MAGEE1: variants seen among roughly 807,000 people sequenced by gnomAD.
MAGEE1 encodes the protein MAGE family member E1.
A neutral mutation model predicts 12.0 loss-of-function variants in MAGEE1; 3 were observed. The ratio of observed to expected loss-of-function variants is 0.25; its 90% CI spans 0.11 to 0.65. MAGEE1 has a LOEUF of 0.65. Among genes scored for constraint, MAGEE1 ranks in the 30% least tolerant of loss-of-function variants. The pLI is 0.84. For synonymous variants in MAGEE1, 414 were observed against 326.1 expected (o/e 1.27, Z -2.91); for missense variants, 729 against 772.2 (o/e 0.94, Z 0.66).
chrX:76,430,161 G>A lies in MAGEE1; in HGVS notation c.2231G>A (p.Arg744Lys). The A allele has an allele frequency of 8.3e-7, 1 of 1,211,838 alleles. No individual in the cohort carries two copies. The highest frequency in any genetic ancestry group is 3.0e-5 in the East Asian group (1 of 33,819). The change falls in exon 1 of 1, where the codon AGA becomes AAA. Residue 744 changes from arginine (R) to lysine (K), a missense_variant. Transcript: ENST00000361470. ...KYAPHSWPES[R>K]LESKARKLVQ... ...GCCCCACATTCATGGCCTGAGTCAA[G>A]ATTGGAGAGCAAGGCAAGGAAGCTG...
At position 76,429,548 on chromosome X, in the gene MAGEE1, C is replaced by G; in HGVS notation, c.1618C>G (p.Leu540Val). The stretch of plus-strand genomic sequence containing the variant: ...GATACTCAGGCGAGCAGCAGCCCAC[C>G]TGGAGTGCATTTTTAGGTTTGAATT... Reference protein sequence around the residue: ...PEILRRAAAHLECIFRFELRE... With the variant: ...PEILRRAAAHVECIFRFELRE... The change falls in exon 1 of 1, where the codon CTG becomes GTG. Residue 540 changes from leucine to valine, a missense_variant. Physicochemically the swap from Leu to Val is conservative, Grantham distance 32 (BLOSUM62 1). Transcript: ENST00000361470. The G allele has an allele frequency of 8.3e-7, 1 of 1,211,600 alleles. No homozygotes were observed. Among genetic ancestry groups the G allele is most frequent in the Non-Finnish European group, 1.1e-6 (1 of 895,511 alleles).
At position 76,430,429 on chromosome X, in the gene MAGEE1, T is replaced by C. The variant is rs373808624; in HGVS notation, c.2499T>C (p.Pro833=). The change falls in exon 1 of 1, where the codon CCT becomes CCC. Residue 833 remains proline, a synonymous_variant. Transcript: ENST00000361470. ...AGATCGTAGACAGTCCAAACAGGCC[T>C]GGCAACAACTTTTTGATGCAGGTCC... ...TEEIVDSPNR[P]GNNFLMQVLS... is the part of the protein sequence containing the mutation. The C allele has an allele frequency of 1.1e-4, 129 of 1,209,572 alleles. No homozygotes were observed. Among genetic ancestry groups the C allele is most frequent in the Non-Finnish European group, 1.4e-4 (124 of 895,109 alleles).
Position 76,428,811 on chromosome X carries a change from C to T in MAGEE1, c.881C>T (p.Thr294Ile), listed in dbSNP as rs1923299830. 8.3e-7 allele frequency: 1 copy of T among 1,209,900 alleles called. No individual in the cohort carries two copies. ...LVPTRGKGSS[T>I]SVPPTATEGL... ...CCCACCCGCGGTAAGGGATCAAGCA[C>T]CTCCGTGCCCCCCACCGCCACCGAG... The change falls in exon 1 of 1, where the codon ACC becomes ATC. Residue 294 changes from threonine (T) to isoleucine (I), a missense_variant. This residue lies in a region of MAGEE1 where 473 missense variants were observed against 423.7 expected (regional missense o/e 1.12). Coordinates refer to ENST00000361470, the MANE Select transcript of MAGEE1 (RefSeq NM_020932.3).
rs782476644 is a variant in MAGEE1 at position 76,429,165 on chromosome X, C to G, written c.1235C>G (p.Pro412Arg). Residue 412 changes from proline to arginine, a missense_variant, in exon 1 of 1, where the codon CCG becomes CGG. Around this residue, in one of 4 missense-constraint regions of MAGEE1, gnomAD observed 473 missense variants for 423.7 expected, o/e 1.12. Coordinates refer to ENST00000361470, the MANE Select transcript of MAGEE1 (RefSeq NM_020932.3). The stretch of plus-strand genomic sequence containing the variant: ...GTGCTGCCTAACCCTGGTGAGGGCC[C>G]GAGCACATTGTTTAGCTCTAGTGCT... Reference protein sequence around the residue: ...SSVLPNPGEGPSTLFSSSASV... With the variant: ...SSVLPNPGEGRSTLFSSSASV... 5 of 1,211,912 alleles carry G rather than the reference C, an allele frequency of 4.1e-6. No individual in the cohort carries two copies. Among genetic ancestry groups the G allele is most frequent in the Middle Eastern group, 4.6e-4 (2 of 4,356 alleles).
In MAGEE1 at chrX:76,429,138, C is replaced by A; in HGVS notation, c.1208C>A (p.Ser403Tyr). ...ACCGCCCCTGACGGACCGGGAAGCT[C>A]CGTGCTGCCTAACCCTGGTGAGGGC... is the stretch of plus-strand genomic sequence containing the variant. ...QPTAPDGPGS[S>Y]VLPNPGEGPS... Residue 403 changes from serine to tyrosine, a missense_variant, in exon 1 of 1, where the codon TCC becomes TAC. By Grantham distance (144) the Ser-to-Tyr change is moderately radical (BLOSUM62 -2). Transcript: ENST00000361470. 8.3e-7 allele frequency: 1 copy of A among 1,211,921 alleles called. No individual in the cohort carries two copies. The highest frequency in any genetic ancestry group is 1.1e-6 in the Non-Finnish European group (1 of 895,369).
At position 76,429,047 on chromosome X, in the gene MAGEE1, T is replaced by A. The variant is rs1759473319; in HGVS notation, c.1117T>A (p.Ser373Thr). ...GAGCACCTCTGTGCCGCCCACCGCCTCTGATGGATCGGACACCTCCGTGCC... is the reference window on the plus strand; with the variant it reads ...GAGCACCTCTGTGCCGCCCACCGCCACTGATGGATCGGACACCTCCGTGCC... ...GLSTSVPPTASDGSDTSVPPT... is the reference protein window; with the variant it reads ...GLSTSVPPTATDGSDTSVPPT... Residue 373 changes from serine (S) to threonine (T), a missense_variant, in exon 1 of 1, where the codon TCT (serine) becomes ACT (threonine). By Grantham distance (58) the Ser-to-Thr change is moderately conservative. Around this residue, in one of 4 missense-constraint regions of MAGEE1, gnomAD observed 473 missense variants for 423.7 expected, o/e 1.12. Coordinates refer to ENST00000361470, the MANE Select transcript of MAGEE1 (RefSeq NM_020932.3). 1 of 1,206,138 alleles carries A rather than the reference T, an allele frequency of 8.3e-7. No individual in the cohort carries two copies. The highest frequency in any genetic ancestry group is 1.8e-5 in the African/African-American group (1 of 56,032).
At position 76,428,575 on chromosome X, in the gene MAGEE1, C is replaced by T. The variant is rs1351667361; in HGVS notation, c.645C>T (p.Ala215=). Residue 215 remains alanine, a synonymous_variant, in exon 1 of 1, where the codon GCC becomes GCT. Coordinates refer to ENST00000361470, the MANE Select transcript of MAGEE1 (RefSeq NM_020932.3). ...GEGPGTSVPL[A]ATEGLSTSVQ... is the part of the protein sequence containing the mutation. ...GACCAGGCACCTCCGTGCCGCTCGC[C>T]GCCACTGAGGGCCTGAGCACCTCCG... The T allele has an allele frequency of 1.7e-6, 2 of 1,207,905 alleles. No individual in the cohort carries two copies. Among genetic ancestry groups the T allele is most frequent in the East Asian group, 3.0e-5 (1 of 33,641 alleles).
Position 76,428,290 on chromosome X carries a change from C to T in MAGEE1, c.360C>T (p.Ile120=), listed in dbSNP as rs1556839185. The part of the protein sequence containing the change: ...EGLSTSGPPT[I]SKGLCTSVTL... ...TAAGCACCTCCGGGCCTCCCACCAT[C>T]TCTAAGGGGCTGTGCACCTCTGTGA... is the stretch of plus-strand genomic sequence containing the variant. Residue 120 remains isoleucine (I), a synonymous_variant, in exon 1 of 1, where the codon ATC becomes ATT. Coordinates refer to ENST00000361470, the MANE Select transcript of MAGEE1 (RefSeq NM_020932.3). The T allele has an allele frequency of 1.7e-6, 2 of 1,209,163 alleles. No individual in the cohort carries two copies. Among genetic ancestry groups the T allele is most frequent in the East Asian group, 3.0e-5 (1 of 33,679 alleles).
At position 76,427,958 on chromosome X, in the gene MAGEE1, C is replaced by T. The variant is rs782547237; in HGVS notation, c.28C>T (p.Arg10Cys). ...GTCTCTGGTAAGCCAGAATTCGCGC[C>T]GCCGCCGCCGCCGCGTTGCAAAGGC... MSLVSQNSRRRRRRVAKATA... is the reference protein window; with the variant it reads MSLVSQNSRCRRRRVAKATA... The change falls in exon 1 of 1, where the codon CGC becomes TGC. Residue 10 changes from arginine to cysteine, a missense_variant. Transcript: ENST00000361470. 20 of 1,199,277 alleles carry T rather than the reference C, an allele frequency of 1.7e-5. No individual in the cohort carries two copies. Among genetic ancestry groups the T allele is most frequent in the Non-Finnish European group, 2.2e-5 (20 of 890,818 alleles).
chrX:76,429,896 G>A lies in MAGEE1; in HGVS notation c.1966G>A (p.Gly656Ser), dbSNP rs782656703. The A allele has an allele frequency of 8.3e-7, 1 of 1,211,250 alleles. No homozygotes were observed. The highest frequency in any genetic ancestry group is 1.1e-6 in the Non-Finnish European group (1 of 895,395). The change falls in exon 1 of 1, where the codon GGC (glycine) becomes AGC (serine). Residue 656 changes from glycine to serine, a missense_variant. Coordinates refer to ENST00000361470, the MANE Select transcript of MAGEE1 (RefSeq NM_020932.3). ...CKPVEYEFFW[G>S]PRSHLETTKM... is the part of the protein sequence containing the mutation. The stretch of plus-strand genomic sequence containing the variant: ...ACCAGTGGAGTATGAGTTTTTCTGG[G>A]GCCCAAGATCCCACCTAGAAACCAC...
chrX:76,430,083 C>T lies in MAGEE1; in HGVS notation c.2153C>T (p.Ala718Val). ...AGGAGGCCCTTTTTTGAGGAAGCTG[C>T]TGCAGAGGTACCATCCCCTGATTCA... ...HFRRPFFEEA[A>V]AEVPSPDSEV... is the part of the protein sequence containing the mutation. The change falls in exon 1 of 1, where the codon GCT becomes GTT. Residue 718 changes from alanine (A) to valine (V), a missense_variant. This residue lies in a region of MAGEE1 where 64 missense variants were observed against 53.4 expected (regional missense o/e 1.20). Coordinates refer to ENST00000361470, the MANE Select transcript of MAGEE1 (RefSeq NM_020932.3). 1 of 1,211,269 alleles carries T rather than the reference C, an allele frequency of 8.3e-7. No individual in the cohort carries two copies. The highest frequency in any genetic ancestry group is 1.1e-6 in the Non-Finnish European group (1 of 895,224).
chrX:76,430,526 G>A lies in MAGEE1; in HGVS notation c.2596G>A (p.Val866Ile). 4.1e-6 allele frequency: 5 copies of A among 1,209,604 alleles called. No homozygotes were observed. Among genetic ancestry groups the A allele is most frequent in the African/African-American group, 1.7e-5 (1 of 57,803 alleles). ...CTGGGCCTTTCTGCGGGGCTTAGGG[G>A]TTCAAGCTGGGAGAAAGCATGTGAT... ...AVWAFLRGLGVQAGRKHVITC... is the reference protein window; with the variant it reads ...AVWAFLRGLGIQAGRKHVITC... Residue 866 changes from valine (V) to isoleucine (I), a missense_variant, in exon 1 of 1, where the codon GTT (valine) becomes ATT (isoleucine). Val to Ile is a conservative substitution (Grantham distance 29, BLOSUM62 3). Coordinates refer to ENST00000361470, the MANE Select transcript of MAGEE1 (RefSeq NM_020932.3).
At position 76,428,820 on chromosome X, in the gene MAGEE1, C is replaced by A; in HGVS notation, c.890C>A (p.Pro297His). ...GGTAAGGGATCAAGCACCTCCGTGCCCCCCACCGCCACCGAGGGCCTGAGC... is the reference window on the plus strand; with the variant it reads ...GGTAAGGGATCAAGCACCTCCGTGCACCCCACCGCCACCGAGGGCCTGAGC... ...TRGKGSSTSV[P>H]PTATEGLSTS... is the part of the protein sequence containing the mutation. The change falls in exon 1 of 1, where the codon CCC (proline) becomes CAC (histidine). Residue 297 changes from proline (P) to histidine (H), a missense_variant. This residue lies in a region of MAGEE1 where 473 missense variants were observed against 423.7 expected (regional missense o/e 1.12). Transcript: ENST00000361470. 2.5e-6 allele frequency: 3 copies of A among 1,208,504 alleles called. No individual in the cohort carries two copies. The highest frequency in any genetic ancestry group is 3.4e-6 in the Non-Finnish European group (3 of 894,376).
In MAGEE1 at chrX:76,430,824, A is replaced by G. The variant is rs1602245128; in HGVS notation, c.*20A>G. The G allele has an allele frequency of 3.7e-6, 3 of 801,667 alleles. No individual in the cohort carries two copies. Among genetic ancestry groups the G allele is most frequent in the Non-Finnish European group, 4.8e-6 (3 of 625,520 alleles). The allele number at this position is 801,667 out of a possible 1,213,427, so 66.1% of individuals were successfully genotyped here. ...AGGTAGAGGAATGCATGGCAGTCAGAGGGGCCTTGCAAGGAGGGGCCTTTG... is the reference window on the plus strand; with the variant it reads ...AGGTAGAGGAATGCATGGCAGTCAGGGGGGCCTTGCAAGGAGGGGCCTTTG... On this transcript the variant is annotated 3_prime_UTR_variant, in exon 1 of 1. Coordinates refer to ENST00000361470, the MANE Select transcript of MAGEE1 (RefSeq NM_020932.3).
At position 76,428,572 on chromosome X, in the gene MAGEE1, C is replaced by T. The variant is rs781809000; in HGVS notation, c.642C>T (p.Leu214=). Residue 214 remains leucine, a synonymous_variant, in exon 1 of 1, where the codon CTC becomes CTT. Coordinates refer to ENST00000361470, the MANE Select transcript of MAGEE1 (RefSeq NM_020932.3). ...AGGGACCAGGCACCTCCGTGCCGCT[C>T]GCCGCCACTGAGGGCCTGAGCACCT... is the stretch of plus-strand genomic sequence containing the variant. ...PGEGPGTSVP[L]AATEGLSTSV... 8 of 1,205,918 alleles carry T rather than the reference C, an allele frequency of 6.6e-6. No individual in the cohort carries two copies. Among genetic ancestry groups the T allele is most frequent in the Admixed American group, 4.4e-5 (2 of 45,624 alleles).
chrX:76,429,463 T>A lies in MAGEE1; in HGVS notation c.1533T>A (p.Pro511=). The change falls in exon 1 of 1, where the codon CCT becomes CCA. Residue 511 remains proline, a synonymous_variant. Transcript: ENST00000361470. ...TGGTGAAGGATCAGAGCAAGTACCC[T>A]ATCCGGGAGTCTGAAATGCGGGAAT... The part of the protein sequence containing the change: ...FLLVKDQSKY[P]IRESEMREYI... 1 of 1,211,746 alleles carries A rather than the reference T, an allele frequency of 8.3e-7. No individual in the cohort carries two copies. Among genetic ancestry groups the A allele is most frequent in the Non-Finnish European group, 1.1e-6 (1 of 895,547 alleles).
chrX:76,428,620 G>C lies in MAGEE1; in HGVS notation c.690G>C (p.Glu230Asp). 1 of 1,209,282 alleles carries C rather than the reference G, an allele frequency of 8.3e-7. No individual in the cohort carries two copies. Among genetic ancestry groups the C allele is most frequent in the East Asian group, 3.0e-5 (1 of 33,735 alleles). The change falls in exon 1 of 1, where the codon GAG becomes GAC. Residue 230 changes from glutamate to aspartate, a missense_variant. This residue lies in a region of MAGEE1 where 473 missense variants were observed against 423.7 expected (regional missense o/e 1.12). Coordinates refer to ENST00000361470, the MANE Select transcript of MAGEE1 (RefSeq NM_020932.3). ...LSTSVQATPDEGPSTSVPPTA... is the reference protein window; with the variant it reads ...LSTSVQATPDDGPSTSVPPTA... ...CCTCCGTGCAGGCCACTCCTGATGA[G>C]GGACCGAGCACCTCCGTGCCGCCCA... is the stretch of plus-strand genomic sequence containing the variant.
At position 76,429,237 on chromosome X, in the gene MAGEE1, C is replaced by T. The variant is rs782750703; in HGVS notation, c.1307C>T (p.Pro436Leu). ...PSKCSLVLPS[P>L]RVTKASVDSD... is the part of the protein sequence containing the mutation. ...AAGTGTTCCCTTGTTTTGCCAAGCCCTAGGGTAACCAAGGCCTCCGTGGAC... is the reference window on the plus strand; with the variant it reads ...AAGTGTTCCCTTGTTTTGCCAAGCCTTAGGGTAACCAAGGCCTCCGTGGAC... The change falls in exon 1 of 1, where the codon CCT (proline) becomes CTT (leucine). Residue 436 changes from proline to leucine, a missense_variant. Transcript: ENST00000361470. The T allele has an allele frequency of 2.5e-6, 3 of 1,211,828 alleles. No homozygotes were observed.
Position 76,429,529 on chromosome X carries a change from C to T in MAGEE1, c.1599C>T (p.Leu533=). The T allele has an allele frequency of 2.5e-6, 3 of 1,211,411 alleles. No homozygotes were observed. The highest frequency in any genetic ancestry group is 3.4e-6 in the Non-Finnish European group (3 of 895,445). Residue 533 remains leucine, a synonymous_variant, in exon 1 of 1, where the codon CTC becomes CTT. Coordinates refer to ENST00000361470, the MANE Select transcript of MAGEE1 (RefSeq NM_020932.3). ...ATCGCAACCAGTTTCCTGAGATACT[C>T]AGGCGAGCAGCAGCCCACCTGGAGT... ...KEYRNQFPEI[L]RRAAAHLECI... is the part of the protein sequence containing the mutation.
Sources: gnomAD v4.1 joint callset for allele counts on GRCh38, gnomAD v4.1.1 for gene constraint, gnomAD v4.1.1 regional missense constraint, MANE v1.5 for transcripts, NCBI Gene and HGNC (gene_info 2026-07-23, HGNC 2026-07-21) for gene names.